AGPAT4: variants seen among roughly 807,000 people sequenced by gnomAD.
AGPAT4 encodes the protein 1-acyl-sn-glycerol-3-phosphate acyltransferase delta.
A neutral mutation model predicts 48.0 loss-of-function variants in AGPAT4; 15 were observed. The ratio of observed to expected loss-of-function variants is 0.31; its 90% CI spans 0.21 to 0.48. AGPAT4 has a LOEUF of 0.48. Ranked by LOEUF, AGPAT4 falls within the 20% of genes least tolerant of loss-of-function variation. AGPAT4 has a pLI of 0.99. For missense variants in AGPAT4, 314 were observed against 482.5 expected (o/e 0.65, Z 3.27); for synonymous variants, 178 against 198.7 (o/e 0.90, Z 0.88).
rs1778968770 is a variant in AGPAT4 at position 161,133,525 on chromosome 6, A to G, written c.*3015T>C. 6.6e-6 allele frequency: 1 copy of G among 152,178 alleles called. No homozygotes were observed. Among genetic ancestry groups the G allele is most frequent in the Non-Finnish European group, 1.5e-5 (1 of 68,036 alleles). 9.4% of individuals were successfully genotyped at this position (152,178 alleles called of 1,614,324 possible). On this transcript the variant is annotated 3_prime_UTR_variant, in exon 9 of 9. Transcript: ENST00000320285. The stretch of plus-strand genomic sequence containing the variant: ...CCTCCCGATTAATCGTGTTCACTAT[A>G]TGGTGGCAGAATCAGTCCAGTCCCC...
In AGPAT4 at chr6:161,149,171, A is replaced by T. The variant is rs749013; in HGVS notation, c.767+16T>A. Reference sequence around the variant, plus strand: ...ATGGGCACTGTCTTTTCTGGAAAGGAAACAGTTCGACTTACCTAACATACA... The same window carrying T: ...ATGGGCACTGTCTTTTCTGGAAAGGTAACAGTTCGACTTACCTAACATACA... On this transcript the variant is annotated intron_variant, in intron 6 of 8. Coordinates refer to ENST00000320285, the MANE Select transcript of AGPAT4 (RefSeq NM_020133.3). The surrounding 1 kb of genome is among the most constrained non-coding windows in gnomAD (Gnocchi z 6.5). 83,203 of 1,608,510 alleles carry T rather than the reference A, an allele frequency of 0.052. 3,285 individuals carry two copies. Among genetic ancestry groups the T allele is most frequent in the African/African-American group, 0.2 (14,996 of 74,732 alleles).
At position 161,198,011 on chromosome 6, in the gene AGPAT4, C is replaced by A. The variant is rs1281594757; in HGVS notation, c.179-31594G>T. On this transcript the variant is annotated intron_variant, in intron 2 of 8. Coordinates refer to ENST00000320285, the MANE Select transcript of AGPAT4 (RefSeq NM_020133.3). The surrounding 1 kb of genome is among the most constrained non-coding windows in gnomAD (Gnocchi z 4.3). ...ACGATGCATTTTCTATTTCTGTTTCCCCCAACTCTTCTTCAGTCTCTCATA... is the reference window on the plus strand; with the variant it reads ...ACGATGCATTTTCTATTTCTGTTTCACCCAACTCTTCTTCAGTCTCTCATA... 6.6e-6 allele frequency among the ~76,000 whole-genome samples: 1 copy of A among 152,062 alleles called. No homozygotes were observed. Among genetic ancestry groups the A allele is most frequent in the African/African-American group, 2.4e-5 (1 of 41,390 alleles).
Position 161,166,067 on chromosome 6 carries a change from C to T in AGPAT4, c.348+181G>A, listed in dbSNP as rs1780087691. 5 of 757,108 alleles carry T rather than the reference C, an allele frequency of 6.6e-6. No homozygotes were observed. The highest frequency in any genetic ancestry group is 6.5e-6 in the Non-Finnish European group (3 of 465,094). The allele number at this position is 757,108 out of a possible 1,614,324, so 46.9% of individuals were successfully genotyped here. On this transcript the variant is annotated intron_variant, in intron 3 of 8. Transcript: ENST00000320285. This position sits in a 1 kb window ranked among gnomAD's most constrained non-coding sequence, Gnocchi z 6.7. ...TTGTTGAGTACCTCTTATGATTGCC[C>T]ATAAGAAGCTGTTAAGACTGACTCC...
chr6:161,228,259 A>G (rs1782034236), intron 2 of AGPAT4, among the ~76,000 whole-genome samples: 1 of 152,226 alleles, frequency 6.6e-6, no homozygotes, highest in Non-Finnish European at 1.5e-5. Context: ...CGCAGCCTGT[A>G]GCAGGGGAGG....
In AGPAT4 at chr6:161,219,909, AGGCAGGC is replaced by A. The variant is rs1386988808; in HGVS notation, c.178+12120_178+12126del. Among the ~76,000 whole-genome samples the A allele has an allele frequency of 2.6e-3, 333 of 125,806 alleles. 1 individual carries two copies. Among genetic ancestry groups the A allele is most frequent in the East Asian group, 6.3e-3 (27 of 4,292 alleles). The allele number at this position is 125,806 out of a possible 152,430, so 82.5% of individuals were successfully genotyped here. ...CAGGCAGGCAGGCAGGCAGGCAGGC[AGGCAGGC>A]GGCAGGCAGGCAGGCAGGCAGGCAG... On this transcript the variant is annotated intron_variant, in intron 2 of 8. Transcript: ENST00000320285. The surrounding 1 kb of genome is among the most constrained non-coding windows in gnomAD (Gnocchi z 4.9).
intron 2 of AGPAT4, among the ~76,000 whole-genome samples, chr6:161,187,504 C>CATTTATTTATTTATTTATGT (rs143698601): frequency 6.9e-6 from 1 of 143,952 alleles, no homozygotes; most frequent in East Asian, 2.0e-4. Context: ...TCCTGAAGCC[C>CATTTATTTATTTATTTATGT]ATTTATTTAT....
In AGPAT4 at chr6:161,177,274, T is replaced by C. The variant is rs1583304837; in HGVS notation, c.179-10857A>G. 6.6e-6 allele frequency among the ~76,000 whole-genome samples: 1 copy of C among 152,224 alleles called. No individual in the cohort carries two copies. The highest frequency in any genetic ancestry group is 1.9e-4 in the East Asian group (1 of 5,198). On this transcript the variant is annotated intron_variant, in intron 2 of 8. Transcript: ENST00000320285. The surrounding 1 kb of genome is among the most constrained non-coding windows in gnomAD (Gnocchi z 5.0). Reference sequence around the variant, plus strand: ...TTCCATTCTCCCCGTCACTTTCAGGTACATCAATCAGACGTAGATTTGGTC... The same window carrying C: ...TTCCATTCTCCCCGTCACTTTCAGGCACATCAATCAGACGTAGATTTGGTC...
intron 2 of AGPAT4, among the ~76,000 whole-genome samples, chr6:161,173,488 GTTGT>G (rs1780339151): frequency 2.0e-5 from 3 of 152,048 alleles, no homozygotes; most frequent in Admixed American, 1.3e-4. Context: ...TTTTGATGGG[GTTGT>G]TTGATTTTTT....
In AGPAT4 at chr6:161,132,461, C is replaced by A. The variant is rs1286330818; in HGVS notation, c.*4079G>T. 1.3e-5 allele frequency: 2 copies of A among 152,336 alleles called. No individual in the cohort carries two copies. The highest frequency in any genetic ancestry group is 2.9e-5 in the Non-Finnish European group (2 of 68,142). 9.4% of individuals were successfully genotyped at this position (152,336 alleles called of 1,614,324 possible). On this transcript the variant is annotated 3_prime_UTR_variant, in exon 9 of 9. Coordinates refer to ENST00000320285, the MANE Select transcript of AGPAT4 (RefSeq NM_020133.3). The stretch of plus-strand genomic sequence containing the variant: ...ACACACCGTGGAGCAATGTGGTGCA[C>A]CTGCAGATGCCGCACTCAGCAGCCT...
intron 2 of AGPAT4, among the ~76,000 whole-genome samples, chr6:161,173,497 T>C (rs181042399): frequency 1.3e-5 from 2 of 149,262 alleles, no homozygotes; most frequent in East Asian, 3.9e-4. Context: ...GGTTGTTTGA[T>C]TTTTTCTTGT....
In AGPAT4 at chr6:161,143,546, A is replaced by G. The variant is rs1306889690; in HGVS notation, c.843+2978T>C. Among the ~76,000 whole-genome samples, 1 of 152,222 alleles carries G rather than the reference A, an allele frequency of 6.6e-6. No individual in the cohort carries two copies. Among genetic ancestry groups the G allele is most frequent in the East Asian group, 1.9e-4 (1 of 5,200 alleles). On this transcript the variant is annotated intron_variant, in intron 7 of 8. Coordinates refer to ENST00000320285, the MANE Select transcript of AGPAT4 (RefSeq NM_020133.3). This position sits in a 1 kb window ranked among gnomAD's most constrained non-coding sequence, Gnocchi z 4.7. ...TGATGGCTATCGTGACCTCCCTGGA[A>G]AAAAGGGGGTTCTGAGGTTGTAGGT... is the stretch of plus-strand genomic sequence containing the variant.
rs1781047796 is a variant in AGPAT4 at position 161,195,614 on chromosome 6, T to G, written c.179-29197A>C. Among the ~76,000 whole-genome samples, 2 of 152,236 alleles carry G rather than the reference T, an allele frequency of 1.3e-5. No individual in the cohort carries two copies. On this transcript the variant is annotated intron_variant, in intron 2 of 8. Transcript: ENST00000320285. The surrounding 1 kb of genome is among the most constrained non-coding windows in gnomAD (Gnocchi z 5.0). Reference sequence around the variant, plus strand: ...AATGTTGCAGAACTTCATCATGTGATCAAAGCTGCAGAAGGAGAAAGAGAC... The same window carrying G: ...AATGTTGCAGAACTTCATCATGTGAGCAAAGCTGCAGAAGGAGAAAGAGAC...
Position 161,135,665 on chromosome 6 carries a change from A to C in AGPAT4, c.*875T>G, listed in dbSNP as rs1435120837. The C allele has an allele frequency of 6.6e-6, 1 of 151,758 alleles. No homozygotes were observed. Among genetic ancestry groups the C allele is most frequent in the Admixed American group, 6.5e-5 (1 of 15,274 alleles). 9.4% of individuals were successfully genotyped at this position (151,758 alleles called of 1,614,324 possible). On this transcript the variant is annotated 3_prime_UTR_variant, in exon 9 of 9. Transcript: ENST00000320285. ...GGGGTGACTTTGGCTGTCACTGCTG[A>C]GAGGAACAGTCGATGCAAGCTCATC...
rs370713321 is a variant in AGPAT4, at chr6:161,139,592, G to A, written c.872C>T (p.Thr291Met). 23 of 1,612,582 alleles carry A rather than the reference G, an allele frequency of 1.4e-5. No homozygotes were observed. The highest frequency in any genetic ancestry group is 5.3e-5 in the African/African-American group (4 of 74,860). ...KDAFQEEYYR[T>M]GTFPETPMVP... ...CATGGGCGTCTCTGGGAAGGTGCCC[G>A]TCCTGTAGTACTCCTCCTGAAAGGC... Residue 291 changes from threonine to methionine, a missense_variant, in exon 8 of 9, where the codon ACG (threonine) becomes ATG (methionine). Transcript: ENST00000320285. The surrounding 1 kb of genome is among the most constrained non-coding windows in gnomAD (Gnocchi z 9.1).
rs1342595812 is a variant in AGPAT4, at chr6:161,262,686, A to T, written c.-90+11252T>A. 6.6e-6 allele frequency among the ~76,000 whole-genome samples: 1 copy of T among 152,060 alleles called. No homozygotes were observed. Among genetic ancestry groups the T allele is most frequent in the African/African-American group, 2.4e-5 (1 of 41,384 alleles). On this transcript the variant is annotated intron_variant, in intron 1 of 8. Transcript: ENST00000320285. This position sits in a 1 kb window ranked among gnomAD's most constrained non-coding sequence, Gnocchi z 4.9. ...TTGCTCAGAAGGTTTGGGTCCGATTATTCTTCAGTCCCACGGGGGAGTGAG... is the reference window on the plus strand; with the variant it reads ...TTGCTCAGAAGGTTTGGGTCCGATTTTTCTTCAGTCCCACGGGGGAGTGAG...
intron 1 of AGPAT4, among the ~76,000 whole-genome samples, chr6:161,247,497 A>G (rs1782686621): frequency 2.0e-5 from 3 of 152,174 alleles, no homozygotes; most frequent in Non-Finnish European, 4.4e-5. Context: ...AATATATAGT[A>G]GTTGAACTCC....
At position 161,232,035 on chromosome 6, in the gene AGPAT4, C is replaced by T. The variant is rs767700898; in HGVS notation, c.178+1G>A. 8 of 1,613,408 alleles carry T rather than the reference C, an allele frequency of 5.0e-6. No individual in the cohort carries two copies. Among genetic ancestry groups the T allele is most frequent in the Admixed American group, 1.7e-5 (1 of 59,972 alleles). On this transcript the variant is annotated splice_donor_variant, in intron 2 of 8. Transcript: ENST00000320285. LOFTEE classifies it high-confidence loss of function. The surrounding 1 kb of genome is among the most constrained non-coding windows in gnomAD (Gnocchi z 6.8). ...AAAATATAGAATCTTAAGTATCTTA[C>T]GGCTTGAGATGCAATAGGACAGTCT... is the stretch of plus-strand genomic sequence containing the variant.
chr6:161,236,366 T>C lies in AGPAT4; in HGVS notation c.-89-4064A>G, dbSNP rs1782274851. Reference sequence around the variant, plus strand: ...TGATGTATTGCCTTTTTCTGGGTTTTGGTACTCATGAAATGAAACAGCAGG... The same window carrying C: ...TGATGTATTGCCTTTTTCTGGGTTTCGGTACTCATGAAATGAAACAGCAGG... On this transcript the variant is annotated intron_variant, in intron 1 of 8. Coordinates refer to ENST00000320285, the MANE Select transcript of AGPAT4 (RefSeq NM_020133.3). This position sits in a 1 kb window ranked among gnomAD's most constrained non-coding sequence, Gnocchi z 5.0. Among the ~76,000 whole-genome samples the C allele has an allele frequency of 6.6e-6, 1 of 152,202 alleles. No individual in the cohort carries two copies. Among genetic ancestry groups the C allele is most frequent in the Non-Finnish European group, 1.5e-5 (1 of 68,032 alleles).
At chr6:161,213,293 A>G (rs1781565111) in intron 2 of AGPAT4, among the ~76,000 whole-genome samples, 1 of 152,262 alleles carries the variant, frequency 6.6e-6, no homozygotes, top group Admixed American at 6.5e-5. Flanking sequence ...GTATACAAAT[A>G]ATTAGGCCAA....
Sources: gnomAD v4.1 joint callset for allele counts (sites outside exome capture counted in the v4.1 genomes callset) on GRCh38, gnomAD v4.1.1 for gene constraint, Gnocchi (gnomAD v3.1) non-coding constraint, MANE v1.5 for transcripts, NCBI Gene and HGNC (gene_info 2026-07-23, HGNC 2026-07-21) for gene names.